The following FOXP2 variants were observed in gnomAD, a reference collection of about 807,000 sequenced individuals.
The protein encoded by FOXP2 is forkhead box protein P2.
In FOXP2, 12 loss-of-function variants were observed where a neutral mutation model predicts 115.8. The ratio of observed to expected loss-of-function variants is 0.10; its 90% confidence interval spans 0.07 to 0.17. The LOEUF is 0.17. FOXP2 is among the 10% of genes least tolerant of loss of function. The pLI, the probability that FOXP2 is intolerant of heterozygous loss-of-function variation, is 1.00. For missense variants in FOXP2, 629 were observed against 843.5 expected (o/e 0.75, Z 3.15); for synonymous variants, 328 against 297.7 (o/e 1.10, Z -1.05).
At chr7:114,467,813 AG>A (rs1199739504) in intron 2 of FOXP2, among the ~76,000 whole-genome samples, 3 of 152,204 alleles carry the variant, frequency 2.0e-5, no homozygotes, top group Admixed American at 6.5e-5. Flanking sequence ...GGTAGTAGAA[AG>A]CATTGACATT....
At chr7:114,106,669 T>C (rs943343573) in intron 1 of FOXP2, among the ~76,000 whole-genome samples, 1 of 152,016 alleles carries the variant, frequency 6.6e-6, no homozygotes, top group African/African-American at 2.4e-5. Flanking sequence ...TGTCTTTATC[T>C]GAACCTGTAT....
intron 2 of FOXP2, among the ~76,000 whole-genome samples, chr7:114,469,511 T>C (rs539966904): frequency 6.6e-6 from 1 of 152,172 alleles, no homozygotes; most frequent in Non-Finnish European, 1.5e-5. Flanking sequence ...CAATAAAAAG[T>C]TTATATTTTA....
intron 1 of FOXP2, among the ~76,000 whole-genome samples, chr7:114,163,998 G>A (rs963202508): frequency 3.3e-5 from 5 of 152,048 alleles, no homozygotes; most frequent in African/African-American, 4.8e-5. Flanking sequence ...AGTTGACTAC[G>A]GCTAAGTCAT....
At chr7:114,509,364 T>C (rs1055291274) in intron 2 of FOXP2, among the ~76,000 whole-genome samples, 2 of 151,824 alleles carry the variant, frequency 1.3e-5, no homozygotes, top group East Asian at 3.9e-4. Flanking sequence ...TTTATTTGGG[T>C]GGCTGCTCTG....
At chr7:114,524,959 T>C (rs1798792674) in intron 2 of FOXP2, among the ~76,000 whole-genome samples, 1 of 152,138 alleles carries the variant, frequency 6.6e-6, no homozygotes, top group Admixed American at 6.6e-5. Flanking sequence ...ATCCCTTCCC[T>C]TAAAGTCCTA....
At chr7:114,305,672 C>A (rs561029745) in intron 2 of FOXP2, among the ~76,000 whole-genome samples, 1 of 152,238 alleles carries the variant, frequency 6.6e-6, no homozygotes, top group African/African-American at 2.4e-5. Context: ...TTCCTTCTTT[C>A]CCACTAGCTC....
At chr7:114,333,521 G>A (rs1797765827) in intron 2 of FOXP2, among the ~76,000 whole-genome samples, 1 of 152,204 alleles carries the variant, frequency 6.6e-6, no homozygotes, top group South Asian at 2.1e-4. Flanking sequence ...GGAAGGCCGA[G>A]GCGGGCCGAT....
intron 1 of FOXP2, among the ~76,000 whole-genome samples, chr7:114,107,855 A>T (rs2129141685): frequency 6.6e-6 from 1 of 152,090 alleles, no homozygotes; most frequent in South Asian, 2.1e-4. Flanking sequence ...CCTGCCCTAG[A>T]AATATCTACT....
intron 2 of FOXP2, among the ~76,000 whole-genome samples, chr7:114,510,994 G>A (rs1798040431): frequency 6.6e-6 from 1 of 152,108 alleles, no homozygotes; most frequent in Admixed American, 6.6e-5. Flanking sequence ...ACAAAATGTG[G>A]CATATACACA....
intron 2 of FOXP2, among the ~76,000 whole-genome samples, chr7:114,296,497 T>A (rs540030455): frequency 6.6e-6 from 1 of 152,170 alleles, no homozygotes; most frequent in Non-Finnish European, 1.5e-5. Flanking sequence ...GTGGAGTTTT[T>A]TTTTTCTTTT....
chr7:114,588,564 G>A (rs551339144), intron 3 of FOXP2, among the ~76,000 whole-genome samples: 26 of 152,128 alleles, frequency 1.7e-4, no homozygotes, highest in African/African-American at 3.9e-4. Context: ...TTTTGTGGTC[G>A]GAAGGGAATT....
At position 114,690,661 on chromosome 7, in the gene FOXP2, T is replaced by C; in HGVS notation, c.*735T>C. 1 of 454,424 alleles carries C rather than the reference T, an allele frequency of 2.2e-6. No individual in the cohort carries two copies. Among genetic ancestry groups the C allele is most frequent in the South Asian group, 1.6e-5 (1 of 64,480 alleles). 28.1% of individuals were successfully genotyped at this position (454,424 alleles called of 1,614,324 possible). A position where few individuals can be genotyped will look rare whatever the true frequency, so the allele number is the denominator to read the frequency against. On this transcript the variant is annotated 3_prime_UTR_variant, in exon 17 of 17. Transcript: ENST00000350908. ...CAAGCACCATAGAAACATTTGCATATCTGCATAGATCTTACAACTGTACTC... is the reference window on the plus strand; with the variant it reads ...CAAGCACCATAGAAACATTTGCATACCTGCATAGATCTTACAACTGTACTC...
intron 2 of FOXP2, among the ~76,000 whole-genome samples, chr7:114,443,575 C>T (rs557907466): frequency 1.3e-5 from 2 of 152,108 alleles, no homozygotes; most frequent in Non-Finnish European, 2.9e-5. Flanking sequence ...TCAGCCTTCT[C>T]CCACCCTCTA....
intron 2 of FOXP2, among the ~76,000 whole-genome samples, chr7:114,361,776 G>A (rs1038315893): frequency 3.9e-5 from 6 of 152,156 alleles, no homozygotes; most frequent in Non-Finnish European, 5.9e-5. Flanking sequence ...TGAAAGCAAA[G>A]TAAAAGCCCA....
intron 1 of FOXP2, among the ~76,000 whole-genome samples, chr7:114,418,746 G>A (rs1229357941): frequency 6.6e-6 from 1 of 151,616 alleles, no homozygotes; most frequent in African/African-American, 2.4e-5. Context: ...AAGGATTCAG[G>A]CGTATATCTT....
In FOXP2 at chr7:114,247,345, C is replaced by T. The variant is rs567724005; in HGVS notation, c.-101-40674C>T. Among the ~76,000 whole-genome samples, 4 of 152,268 alleles carry T rather than the reference C, an allele frequency of 2.6e-5. No homozygotes were observed. In the East Asian group the frequency reaches 5.8e-4, roughly 22 times the overall value. On this transcript the variant is annotated intron_variant, in intron 1 of 17. Coordinates refer to the FOXP2 transcript ENST00000634411. ...ATATCTCTAACACCTTGATATTTCA[C>T]AGACATTTAAAATTGAATCTAGTAA...
chr7:114,394,441 A>T (rs1584691512), intron 2 of FOXP2, among the ~76,000 whole-genome samples: 1 of 152,094 alleles, frequency 6.6e-6, no homozygotes, highest in East Asian at 1.9e-4. Context: ...CCCTACACAC[A>T]GATATAGAAA....
intron 1 of FOXP2, among the ~76,000 whole-genome samples, chr7:114,246,888 T>A (rs964255186): frequency 2.0e-5 from 3 of 152,164 alleles, no homozygotes; most frequent in Non-Finnish European, 2.9e-5. Context: ...TTCATTAAGA[T>A]TCGCCAAGTC....
At chr7:114,570,904 A>C (rs1324736269) in intron 3 of FOXP2, 1 of 1,605,256 alleles carries the variant, frequency 6.2e-7, no homozygotes, top group Non-Finnish European at 8.5e-7. Flanking sequence ...GGGCAATTAG[A>C]AATTCAGCTA....
Sources: allele counts gnomAD v4.1 joint callset (sites outside exome capture counted in the v4.1 genomes callset), GRCh38; gene constraint gnomAD v4.1.1; transcripts MANE v1.5; gene names NCBI Gene and HGNC (gene_info 2026-07-23, HGNC 2026-07-21).